The following FLNB variants were observed in gnomAD, a reference collection of about 807,000 sequenced individuals.
FLNB encodes filamin B.
A neutral mutation model predicts 250.6 loss-of-function variants in FLNB; 111 were observed. The observed-to-expected ratio is 0.44, with a 90% CI of 0.38 to 0.52. The LOEUF is 0.52. Among genes scored for constraint, FLNB ranks in the 20% least tolerant of loss-of-function variants. FLNB has a pLI of 0.00. For synonymous variants in FLNB, 1,302 were observed against 1,372.1 expected (o/e 0.95, Z 1.13); for missense variants, 2,869 against 3,447.8 (o/e 0.83, Z 4.20).
At chr3:58,068,942 T>C (rs1009683644) in intron 1 of FLNB, among the ~76,000 whole-genome samples, 21 of 150,868 alleles carry the variant, frequency 1.4e-4, no homozygotes, top group African/African-American at 4.1e-4. Context: ...GAGGGGCCAG[T>C]TTGTGACCAG....
intron 1 of FLNB, among the ~76,000 whole-genome samples, chr3:58,076,334 A>G (rs376701716): frequency 6.6e-6 from 1 of 152,228 alleles, no homozygotes; most frequent in Non-Finnish European, 1.5e-5. Context: ...ACATGCATGT[A>G]TACACATACA....
At chr3:58,105,303 GC>G (rs2097257860) in intron 11 of FLNB, 87 bp downstream of exon 11, 5 of 1,560,660 alleles carry the variant, frequency 3.2e-6, no homozygotes, top group Non-Finnish European at 3.5e-6. Context: ...TTGGGGCCTT[GC>G]CTAGCCTCAA....
chr3:58,138,053 C>A (rs1007509097), intron 28 of FLNB, among the ~76,000 whole-genome samples: 5 of 152,196 alleles, frequency 3.3e-5, no homozygotes, highest in African/African-American at 1.2e-4. Flanking sequence ...CCCAGGCTAA[C>A]CTTTAGTCAA....
intron 1 of FLNB, among the ~76,000 whole-genome samples, chr3:58,041,247 T>A (rs1275869373): frequency 2.0e-5 from 3 of 152,226 alleles, no homozygotes; most frequent in Non-Finnish European, 2.9e-5. Context: ...CTTTATGATA[T>A]TACAATGAGC....
chr3:58,096,409 T>C (rs2097238642), intron 6 of FLNB, among the ~76,000 whole-genome samples, 191 bp downstream of exon 6: 1 of 152,246 alleles, frequency 6.6e-6, no homozygotes, highest in Non-Finnish European at 1.5e-5. Context: ...TTGTTTGCAA[T>C]GTCGTAAGAT....
At chr3:58,132,160 C>T in intron 25 of FLNB, 1 of 643,644 alleles carries the variant, frequency 1.6e-6, no homozygotes, top group Non-Finnish European at 2.8e-6. Flanking sequence ...GGAGTTGACC[C>T]ATCCTTGACT....
At chr3:58,080,819 C>T (rs1165921181) in intron 3 of FLNB, among the ~76,000 whole-genome samples, 2 of 140,518 alleles carry the variant, frequency 1.4e-5, no homozygotes, top group East Asian at 4.4e-4. Context: ...GAGACAGCGT[C>T]TTACTCCTCT....
chr3:58,103,840 T>C, intron 9 of FLNB, 119 bp from the exon 10 acceptor site: 2 of 1,246,200 alleles, frequency 1.6e-6, no homozygotes, highest in Non-Finnish European at 1.2e-6. Context: ...GGCAGCCCAC[T>C]TGGTTTTTAT....
At chr3:58,156,691 T>TTTTG (rs1330806386) in intron 41 of FLNB, among the ~76,000 whole-genome samples, 1 of 152,006 alleles carries the variant, frequency 6.6e-6, no homozygotes, top group Non-Finnish European at 1.5e-5. Flanking sequence ...GAACCTGTAT[T>TTTTG]TTTGTTTGTT....
In FLNB at chr3:58,121,428, C is replaced by A. The variant is rs747054973; in HGVS notation, c.3051C>A (p.Asp1017Glu). ...GGGAGGAGGGGCTGTATGCTGTAGA[C>A]GTGACCTACGATGGACACCCTGTGC... ...IPREEGLYAV[D>E]VTYDGHPVPG... Residue 1017 changes from aspartate to glutamate, a missense_variant, in exon 20 of 46, where the codon GAC (aspartate) becomes GAA (glutamate). Coordinates refer to ENST00000295956, the MANE Select transcript of FLNB (RefSeq NM_001457.4). The A allele has an allele frequency of 2.5e-6, 4 of 1,614,126 alleles. 1 individual carries two copies. In the South Asian group the frequency reaches 4.4e-5, roughly 18 times the overall value.
intron 29 of FLNB, among the ~76,000 whole-genome samples, chr3:58,138,746 G>C (rs554466696): frequency 6.6e-6 from 1 of 152,184 alleles, no homozygotes; most frequent in African/African-American, 2.4e-5. Context: ...TGGCCACCAA[G>C]GTGTCTATCA....
Position 58,078,198 on chromosome 3 carries a change from C to G in FLNB, c.542-519C>G, listed in dbSNP as rs980857644. ...TGATTTCCTAATATCCTCTTCTTTA[C>G]TTCCATTTAAGGACACATTTTAGGA... is the stretch of plus-strand genomic sequence containing the variant. On this transcript the variant is annotated intron_variant, in intron 2 of 45. Coordinates refer to ENST00000295956, the MANE Select transcript of FLNB (RefSeq NM_001457.4). The G allele has an allele frequency of 4.4e-6, 5 of 1,136,902 alleles. No homozygotes were observed. In the African/African-American group the frequency reaches 7.9e-5, roughly 18 times the overall value. 70.4% of individuals were successfully genotyped at this position (1,136,902 alleles called of 1,614,324 possible).
At chr3:58,150,410 A>G (rs2097342985) in intron 38 of FLNB, 183 bp downstream of exon 38, 1 of 692,214 alleles carries the variant, frequency 1.4e-6, no homozygotes, top group Admixed American at 2.8e-5. Flanking sequence ...GTCTCATCCA[A>G]GAAAAACAAA....
chr3:58,125,518 A>C, intron 22 of FLNB, 63 bp from the exon 23 acceptor site: 2 of 1,568,558 alleles, frequency 1.3e-6, no homozygotes, highest in Non-Finnish European at 1.8e-6. Context: ...GAAGTAGAGA[A>C]TCATTTTTCA....
chr3:58,085,068 C>T (rs1340260701), intron 4 of FLNB, among the ~76,000 whole-genome samples: 1 of 152,150 alleles, frequency 6.6e-6, no homozygotes, highest in Admixed American at 6.5e-5. Context: ...TTTGCTTATA[C>T]ATTCGTCTGC....
intron 1 of FLNB, among the ~76,000 whole-genome samples, chr3:58,072,579 A>G (rs2097196221): frequency 6.6e-6 from 1 of 152,114 alleles, no homozygotes; most frequent in Admixed American, 6.6e-5. Flanking sequence ...TTTCATGTGG[A>G]TGGGAACCTG....
chr3:58,009,740 G>A (rs1161327356), intron 1 of FLNB, among the ~76,000 whole-genome samples: 1 of 152,176 alleles, frequency 6.6e-6, no homozygotes, highest in Non-Finnish European at 1.5e-5. Flanking sequence ...AAGGAAGTGG[G>A]CAACAGTTAG....
intron 1 of FLNB, among the ~76,000 whole-genome samples, chr3:58,062,714 C>A (rs752882406): frequency 1.3e-5 from 2 of 152,190 alleles, no homozygotes; most frequent in Admixed American, 6.5e-5. Context: ...CAAGAAACAT[C>A]TTGATTCTAT....
Position 58,118,862 on chromosome 3 carries a change from C to A in FLNB, c.2746-10C>A, listed in dbSNP as rs754612844. Reference sequence around the variant, plus strand: ...CCCAAAGGTAAACTGAGTTTTCTCTCTTGTTCCAGGGCAACATGCAGGTTC... The same window carrying A: ...CCCAAAGGTAAACTGAGTTTTCTCTATTGTTCCAGGGCAACATGCAGGTTC... On this transcript the variant is annotated splice_polypyrimidine_tract_variant and intron_variant, in intron 18 of 45. Transcript: ENST00000295956. 2 of 1,610,302 alleles carry A rather than the reference C, an allele frequency of 1.2e-6. No individual in the cohort carries two copies.
Sources: allele counts gnomAD v4.1 joint callset (sites outside exome capture counted in the v4.1 genomes callset), GRCh38; gene constraint gnomAD v4.1.1; transcripts MANE v1.5; gene names NCBI Gene and HGNC (gene_info 2026-07-23, HGNC 2026-07-21).